MKLN1: variants seen among roughly 807,000 people sequenced by gnomAD.
MKLN1 encodes the protein muskelin 1, also known as muskelin.
Under a neutral mutation model 99.0 loss-of-function variants are expected in MKLN1, and 18 were observed. The ratio of observed to expected loss-of-function variants is 0.18; its 90% confidence interval spans 0.13 to 0.27. The LOEUF (loss-of-function observed/expected upper bound fraction) is 0.27, where lower values mean the gene tolerates loss of function less well. Ranked by LOEUF, MKLN1 falls within the 10% of genes least tolerant of loss-of-function variation. The probability of loss-of-function intolerance (pLI) is 1.00; values close to 1 mark genes in which losing one functional copy is unlikely to be tolerated. For synonymous variants in MKLN1, 288 were observed against 293.2 expected, an observed-to-expected ratio of 0.98 and a Z score of 0.18; for missense variants, 621 against 875.9, an observed-to-expected ratio of 0.71 and a Z score of 3.67.
chr7:131,120,390 C>CA (rs548981792), intron 1 of MKLN1, among the ~76,000 whole-genome samples: 129 of 142,794 alleles, frequency 9.0e-4, no homozygotes, highest in African/African-American at 2.9e-3. Flanking sequence ...AACAAACAAA[C>CA]AAAAAAAAAC....
chr7:131,166,838 A>G lies in MKLN1; in HGVS notation c.-297+23897A>G, dbSNP rs537184445. Among the ~76,000 whole-genome samples the G allele has an allele frequency of 2.2e-3, 340 of 151,924 alleles. 2 individuals are homozygous for G. Among genetic ancestry groups the G allele is most frequent in the African/African-American group, 7.9e-3 (326 of 41,420 alleles). On this transcript the variant is annotated intron_variant, in intron 2 of 7. Coordinates refer to the MKLN1 transcript ENST00000416992. ...ATAGCTGGGATTACAGGTGCCCACC[A>G]CCATGCTGGGCTACTTTTTGTATTT... is the stretch of plus-strand genomic sequence containing the variant.
intron 3 of MKLN1, among the ~76,000 whole-genome samples, chr7:131,249,904 G>T (rs1266620095): frequency 6.6e-6 from 1 of 152,138 alleles, no homozygotes; most frequent in African/African-American, 2.4e-5. Context: ...ATTCTATCTG[G>T]AAGGGTCAGG....
chr7:131,335,814 T>C (rs151255904), intron 1 of MKLN1, among the ~76,000 whole-genome samples: 15 of 152,022 alleles, frequency 9.9e-5, no homozygotes, highest in African/African-American at 3.4e-4. Flanking sequence ...CTCTGAATAG[T>C]TTCAGACCTT....
chr7:131,329,329 G>A (rs1268928106), intron 1 of MKLN1, among the ~76,000 whole-genome samples: 1 of 152,186 alleles, frequency 6.6e-6, no homozygotes, highest in Non-Finnish European at 1.5e-5. Context: ...AGTGACCTGT[G>A]GTTTGATCTG....
At chr7:131,199,001 G>T (rs1010010934) in intron 2 of MKLN1, among the ~76,000 whole-genome samples, 23 of 152,152 alleles carry the variant, frequency 1.5e-4, no homozygotes, top group African/African-American at 5.1e-4. Context: ...TGTTTTATTT[G>T]AAAAGTTATG....
At chr7:131,374,452 A>C (rs1239684016) in intron 1 of MKLN1, among the ~76,000 whole-genome samples, 1 of 152,192 alleles carries the variant, frequency 6.6e-6, no homozygotes, top group Admixed American at 6.5e-5. Context: ...CCAGTATCAC[A>C]GGGTTCCTTC....
chr7:131,466,632 G>T (rs1469642109), intron 15 of MKLN1, among the ~76,000 whole-genome samples: 1 of 152,132 alleles, frequency 6.6e-6, no homozygotes, highest in Non-Finnish European at 1.5e-5. Flanking sequence ...AAATTTTGCA[G>T]CTGTTAAAAA....
intron 9 of MKLN1, among the ~76,000 whole-genome samples, chr7:131,437,073 T>A (rs1403517399): frequency 1.3e-5 from 2 of 152,112 alleles, no homozygotes; most frequent in African/African-American, 4.8e-5. Flanking sequence ...TTATTTTTTT[T>A]ATTTTTTATT....
chr7:131,341,531 T>C (rs1799407245), intron 1 of MKLN1, among the ~76,000 whole-genome samples: 1 of 152,248 alleles, frequency 6.6e-6, no homozygotes, highest in South Asian at 2.1e-4. Flanking sequence ...TTCTTATTGC[T>C]GGTAAGTATT....
At chr7:131,126,444 AT>A (rs1466786481) in intron 1 of MKLN1, among the ~76,000 whole-genome samples, 1 of 152,222 alleles carries the variant, frequency 6.6e-6, no homozygotes, top group Non-Finnish European at 1.5e-5. Context: ...AGGTACAGAT[AT>A]CCCCCCATGT....
At chr7:131,122,785 G>T (rs1795392418) in intron 1 of MKLN1, among the ~76,000 whole-genome samples, 2 of 151,970 alleles carry the variant, frequency 1.3e-5, no homozygotes, top group Admixed American at 1.3e-4. Context: ...ACTTTGAGAG[G>T]CCGAGGCGGG....
chr7:131,382,013 G>C (rs1405373756), intron 2 of MKLN1, among the ~76,000 whole-genome samples: 2 of 152,134 alleles, frequency 1.3e-5, no homozygotes, highest in African/African-American at 4.8e-5. Flanking sequence ...CCATATACCT[G>C]TTAATGAACA....
rs1795118331 is a variant in MKLN1, at chr7:131,419,242, A to T, written c.847+4532A>T. On this transcript the variant is annotated intron_variant, in intron 8 of 17. Transcript: ENST00000352689. ...CATATATATATGTATATATATATAT[A>T]TATATTTTTGTTTTTTTTTTTTTTT... Among the ~76,000 whole-genome samples, 5 of 138,806 alleles carry T rather than the reference A, an allele frequency of 3.6e-5. No individual in the cohort carries two copies. The South Asian group carries it at 9.0e-4, about 25-fold the overall frequency. 91.1% of individuals were successfully genotyped at this position (138,806 alleles called of 152,430 possible).
intron 8 of MKLN1, among the ~76,000 whole-genome samples, chr7:131,421,645 A>G (rs995983928): frequency 5.3e-5 from 8 of 152,346 alleles, no homozygotes; most frequent in South Asian, 4.1e-4. Context: ...TTGATATGCC[A>G]TATATTAATA....
chr7:131,282,006 C>A (rs901077621), intron 3 of MKLN1, among the ~76,000 whole-genome samples: 5 of 151,984 alleles, frequency 3.3e-5, no homozygotes, highest in African/African-American at 1.2e-4. Flanking sequence ...ATACTCTTAT[C>A]ATGGTGCTTT....
At chr7:131,462,736 T>C (rs1408326949) in intron 12 of MKLN1, among the ~76,000 whole-genome samples, 1 of 152,170 alleles carries the variant, frequency 6.6e-6, no homozygotes, top group Non-Finnish European at 1.5e-5. Context: ...CAATATATAA[T>C]TGTTTATTGT....
intron 1 of MKLN1, among the ~76,000 whole-genome samples, chr7:131,347,257 C>A (rs1056195043): frequency 6.6e-6 from 1 of 152,204 alleles, no homozygotes; most frequent in Non-Finnish European, 1.5e-5. Flanking sequence ...GTTTGAACAG[C>A]CTTGCTGATT....
chr7:131,493,638 G>A lies in MKLN1; in HGVS notation c.*5910G>A, dbSNP rs1797480022. 1 of 152,170 alleles carries A rather than the reference G, an allele frequency of 6.6e-6. No homozygotes were observed. Among genetic ancestry groups the A allele is most frequent in the Non-Finnish European group, 1.5e-5 (1 of 68,036 alleles). The allele number at this position is 152,170 out of a possible 1,614,324, so 9.4% of individuals were successfully genotyped here. A position where few individuals can be genotyped will look rare whatever the true frequency, so the allele number is the denominator to read the frequency against. ...GGGCTCTAGATCTTAAACTAGGTGAGCAGCTTCTTACATACAACCAGTTCC... is the reference window on the plus strand; with the variant it reads ...GGGCTCTAGATCTTAAACTAGGTGAACAGCTTCTTACATACAACCAGTTCC... On this transcript the variant is annotated 3_prime_UTR_variant, in exon 18 of 18. Transcript: ENST00000352689.
chr7:131,370,804 A>C (rs1793418596), intron 1 of MKLN1, among the ~76,000 whole-genome samples: 1 of 152,178 alleles, frequency 6.6e-6, no homozygotes, highest in African/African-American at 2.4e-5. Flanking sequence ...TAGGGAGAGA[A>C]GTATTCAAGG....
Sources: gnomAD v4.1 joint callset for allele counts (sites outside exome capture counted in the v4.1 genomes callset) on GRCh38, gnomAD v4.1.1 for gene constraint, MANE v1.5 for transcripts, NCBI Gene and HGNC (gene_info 2026-07-23, HGNC 2026-07-21) for gene names.